The following TSHZ2 variants were observed in gnomAD, a reference collection of about 807,000 sequenced individuals.
TSHZ2 encodes teashirt homolog 2.
TSHZ2 carries 21 observed loss-of-function variants against 74.4 expected under a neutral mutation model. The observed-to-expected ratio is 0.28, with a 90% CI of 0.20 to 0.41. The LOEUF is 0.41. Ranked by LOEUF, TSHZ2 falls within the 10% of genes least tolerant of loss-of-function variation. The pLI is 1.00. For synonymous variants in TSHZ2, 540 were observed against 515.3 expected, an observed-to-expected ratio of 1.05 and a Z score of -0.65; for missense variants, 1,244 against 1,293.5, an observed-to-expected ratio of 0.96 and a Z score of 0.59.
intron 1 of TSHZ2, among the ~76,000 whole-genome samples, chr20:53,249,363 C>T (rs928594849): frequency 2.0e-5 from 3 of 152,192 alleles, no homozygotes; most frequent in Admixed American, 2.0e-4. Flanking sequence ...AGGATGTGAA[C>T]TGAGCACTGG....
At chr20:53,261,596 T>C (rs745809070) in intron 2 of TSHZ2, among the ~76,000 whole-genome samples, 3 of 152,204 alleles carry the variant, frequency 2.0e-5, no homozygotes, top group Non-Finnish European at 4.4e-5. Context: ...ATATTTGGCT[T>C]AACTCCGTCT....
chr20:53,208,672 G>A (rs868752093), intron 1 of TSHZ2: 6 of 152,176 alleles, frequency 3.9e-5, no homozygotes, highest in South Asian at 2.1e-4. Context: ...GGTTGGAATT[G>A]CTGTTCTCCT....
chr20:53,011,280 A>T (rs557791857), intron 1 of TSHZ2, among the ~76,000 whole-genome samples: 1 of 152,234 alleles, frequency 6.6e-6, no homozygotes, highest in African/African-American at 2.4e-5. Flanking sequence ...GCCCCAATTC[A>T]TATCCTGGGA....
chr20:53,129,143 T>A (rs544693372), intron 1 of TSHZ2, among the ~76,000 whole-genome samples: 3 of 152,124 alleles, frequency 2.0e-5, no homozygotes, highest in Non-Finnish European at 2.9e-5. Flanking sequence ...AACAACAATA[T>A]CCAATAATAA....
chr20:53,085,025 A>C (rs1452846772), intron 1 of TSHZ2, among the ~76,000 whole-genome samples: 1 of 152,110 alleles, frequency 6.6e-6, no homozygotes, highest in African/African-American at 2.4e-5. Flanking sequence ...CATATACATG[A>C]AGAATTTAGT....
chr20:53,195,669 C>T (rs1342980794), intron 1 of TSHZ2, among the ~76,000 whole-genome samples: 1 of 152,222 alleles, frequency 6.6e-6, no homozygotes, highest in African/African-American at 2.4e-5. Context: ...AGCATTCTCA[C>T]TTTCCAGCAT....
chr20:53,015,410 C>T (rs1448820659), intron 1 of TSHZ2, among the ~76,000 whole-genome samples: 2 of 152,114 alleles, frequency 1.3e-5, no homozygotes, highest in African/African-American at 4.8e-5. Flanking sequence ...GTGTGTAGAA[C>T]CAGAGATGCT....
chr20:53,017,680 T>C (rs940896547), intron 1 of TSHZ2, among the ~76,000 whole-genome samples: 1 of 152,180 alleles, frequency 6.6e-6, no homozygotes, highest in African/African-American at 2.4e-5. Context: ...TCAAACAGCC[T>C]AATATTTACT....
At chr20:53,257,767 G>A (rs963605195) in intron 2 of TSHZ2, among the ~76,000 whole-genome samples, 8 of 152,180 alleles carry the variant, frequency 5.3e-5, no homozygotes, top group African/African-American at 1.7e-4. Context: ...TCCAGTTGAC[G>A]TCATGTTAAG....
rs1481452087 is a variant in TSHZ2 at position 53,491,782 on chromosome 20, A to G, written c.*4647A>G. The G allele has an allele frequency of 6.6e-6, 1 of 152,188 alleles. No individual in the cohort carries two copies. The highest frequency in any genetic ancestry group is 1.5e-5 in the Non-Finnish European group (1 of 68,026). 9.4% of individuals were successfully genotyped at this position (152,188 alleles called of 1,614,324 possible). On this transcript the variant is annotated 3_prime_UTR_variant, in exon 3 of 3. Transcript: ENST00000371497. ...CTATTTCTGCAACAGGACTCTGTCCATTTCCTTTGGAACAATATATTCCAA... is the reference window on the plus strand; with the variant it reads ...CTATTTCTGCAACAGGACTCTGTCCGTTTCCTTTGGAACAATATATTCCAA...
chr20:53,448,161 C>T (rs1429673815), intron 2 of TSHZ2, among the ~76,000 whole-genome samples: 2 of 152,124 alleles, frequency 1.3e-5, no homozygotes, highest in South Asian at 2.1e-4. Context: ...CCGCCCACCT[C>T]GGCCTCCTGG....
At chr20:53,423,844 G>A (rs1426322986) in intron 2 of TSHZ2, among the ~76,000 whole-genome samples, 2 of 152,216 alleles carry the variant, frequency 1.3e-5, no homozygotes, top group Non-Finnish European at 2.9e-5. Context: ...GGTTCTCAAA[G>A]CAGGTGAGTT....
At chr20:53,416,081 A>G (rs564011984) in intron 2 of TSHZ2, among the ~76,000 whole-genome samples, 1 of 152,260 alleles carries the variant, frequency 6.6e-6, no homozygotes, top group South Asian at 2.1e-4. Context: ...TTGCTCTGGC[A>G]CCCACGTGAA....
At chr20:53,242,915 T>G (rs1315913167) in intron 1 of TSHZ2, among the ~76,000 whole-genome samples, 2 of 152,218 alleles carry the variant, frequency 1.3e-5, no homozygotes, top group Non-Finnish European at 2.9e-5. Flanking sequence ...GTAAACAAGA[T>G]AGATTTGACC....
intron 2 of TSHZ2, among the ~76,000 whole-genome samples, chr20:53,340,184 C>CTT (rs557613827): frequency 2.7e-5 from 3 of 109,874 alleles, no homozygotes; most frequent in Admixed American, 2.2e-4. Context: ...TTTCTTTTTT[C>CTT]TTTTTTTTTT....
intron 2 of TSHZ2, among the ~76,000 whole-genome samples, chr20:53,260,825 T>C (rs1990586723): frequency 6.6e-6 from 1 of 152,236 alleles, no homozygotes; most frequent in Non-Finnish European, 1.5e-5. Context: ...GCTCTTACCA[T>C]GCTCTGTAGC....
At chr20:53,321,200 T>C (rs1391152788) in intron 2 of TSHZ2, among the ~76,000 whole-genome samples, 2 of 152,198 alleles carry the variant, frequency 1.3e-5, no homozygotes, top group African/African-American at 4.8e-5. Flanking sequence ...ACAATGTTCA[T>C]AGTAATTCAT....
intron 2 of TSHZ2, among the ~76,000 whole-genome samples, chr20:53,272,497 A>G (rs1195197800): frequency 6.6e-6 from 1 of 152,162 alleles, no homozygotes; most frequent in Non-Finnish European, 1.5e-5. Flanking sequence ...GGGACATGCT[A>G]TCTAGGAAGT....
intron 1 of TSHZ2, among the ~76,000 whole-genome samples, chr20:53,081,897 C>CTTTTTTT (rs11449860): frequency 1.4e-5 from 2 of 142,980 alleles, no homozygotes; most frequent in Admixed American, 7.0e-5. Context: ...TATGTTTATT[C>CTTTTTTT]TTTTTTTTTT....
Sources: allele counts gnomAD v4.1 joint callset (sites outside exome capture counted in the v4.1 genomes callset), GRCh38; gene constraint gnomAD v4.1.1; transcripts MANE v1.5; gene names NCBI Gene and HGNC (gene_info 2026-07-23, HGNC 2026-07-21).